Variants in EMX1 observed in about 807,000 individuals in gnomAD.
EMX1 encodes homeobox protein EMX1.
Under a neutral mutation model 20.1 loss-of-function variants are expected in EMX1, and 10 were observed. The ratio of observed to expected loss-of-function variants is 0.50; its 90% CI spans 0.31 to 0.84. EMX1 has a LOEUF of 0.84. Ranked by LOEUF, EMX1 falls within the 40% of genes least tolerant of loss-of-function variation. The pLI is 0.05. For synonymous variants in EMX1, 250 were observed against 200.4 expected (o/e 1.25, Z -2.09); for missense variants, 424 against 431.9 (o/e 0.98, Z 0.16).
intron 2 of EMX1, chr2:72,933,047 A>C (rs560065009): frequency 1.3e-5 from 2 of 152,350 alleles, no homozygotes; most frequent in Admixed American, 6.5e-5. Context: ...AGGAGCTGGC[A>C]CCTGAGGGAC....
rs1573901899 is a variant in EMX1, at chr2:72,934,278, C to T, written c.*324C>T. 11 of 295,548 alleles carry T rather than the reference C, an allele frequency of 3.7e-5. No homozygotes were observed. The East Asian group carries it at 7.9e-4, about 21-fold the overall frequency. The allele number at this position is 295,548 out of a possible 1,614,324, so 18.3% of individuals were successfully genotyped here. On this transcript the variant is annotated 3_prime_UTR_variant, in exon 3 of 3. Transcript: ENST00000258106. ...TTTCTGTTTTAATTTATTTTCCAGGCACCACTGTAGTTTAGTGATCCCCAG... is the reference window on the plus strand; with the variant it reads ...TTTCTGTTTTAATTTATTTTCCAGGTACCACTGTAGTTTAGTGATCCCCAG...
chr2:72,924,526 C>T lies in EMX1; in HGVS notation c.705+33C>T. On this transcript the variant is annotated intron_variant, in intron 2 of 2. Transcript: ENST00000258106. ...CCCCCGGTCGCGGCCTGCCCTGCGCCCGGAGCCCGGGTGGAGGTGAGGGTG... is the reference window on the plus strand; with the variant it reads ...CCCCCGGTCGCGGCCTGCCCTGCGCTCGGAGCCCGGGTGGAGGTGAGGGTG... 2.6e-6 allele frequency: 4 copies of T among 1,524,364 alleles called. No individual in the cohort carries two copies. The South Asian group carries it at 3.8e-5, about 14-fold the overall frequency. The allele number at this position is 1,524,364 out of a possible 1,614,324, so 94.4% of individuals were successfully genotyped here.
Position 72,924,241 on chromosome 2 carries a change from C to A in EMX1, c.521-68C>A, listed in dbSNP as rs1333084843. 38 of 1,529,684 alleles carry A rather than the reference C, an allele frequency of 2.5e-5. No individual in the cohort carries two copies. The East Asian group carries it at 9.2e-4, about 37-fold the overall frequency. 94.8% of individuals were successfully genotyped at this position (1,529,684 alleles called of 1,614,324 possible). ...GGGCGCGAGGCCAGGCTCTGTTGGG[C>A]CCCGGCTCACGGCGCCCCTTCTCTC... is the stretch of plus-strand genomic sequence containing the variant. On this transcript the variant is annotated intron_variant, in intron 1 of 2. Transcript: ENST00000258106.
intron 1 of EMX1, among the ~76,000 whole-genome samples, chr2:72,919,179 CTACACA>C (rs1314892950): frequency 1.1e-5 from 1 of 91,642 alleles, no homozygotes; most frequent in African/African-American, 5.7e-5. Flanking sequence ...TCCACTGGCC[CTACACA>C]CACACACACA....
At chr2:72,924,605 A>G in intron 2 of EMX1, 112 bp downstream of exon 2, 1 of 1,293,590 alleles carries the variant, frequency 7.7e-7, no homozygotes, top group Non-Finnish European at 1.0e-6. Context: ...GCTGGGTTCC[A>G]AAAGGCCCCC....
At position 72,933,843 on chromosome 2, in the gene EMX1, G is replaced by C; in HGVS notation, c.762G>C (p.Glu254Asp). Residue 254 changes from glutamate (E) to aspartate (D), a missense_variant, in exon 3 of 3, where the codon GAG (glutamate) becomes GAC (aspartate). Coordinates refer to ENST00000258106, the MANE Select transcript of EMX1 (RefSeq NM_004097.3). Reference protein sequence around the residue: ...RTKYKRQKLEEEGPESEQKKK... With the variant: ...RTKYKRQKLEDEGPESEQKKK... ...AGTACAAACGGCAGAAGCTGGAGGA[G>C]GAAGGGCCTGAGTCCGAGCAGAAGA... 1 of 1,614,268 alleles carries C rather than the reference G, an allele frequency of 6.2e-7. No homozygotes were observed. Among genetic ancestry groups the C allele is most frequent in the Non-Finnish European group, 8.5e-7 (1 of 1,180,042 alleles).
At chr2:72,924,656 C>T (rs925836478) in intron 2 of EMX1, among the ~76,000 whole-genome samples, 163 bp downstream of exon 2, 1 of 152,236 alleles carries the variant, frequency 6.6e-6, no homozygotes, top group Non-Finnish European at 1.5e-5. Context: ...TTTAGAGCCT[C>T]TTCCTCGAGA....
chr2:72,916,571 A>C, upstream of EMX1: 1 of 616,282 alleles, frequency 1.6e-6, no homozygotes, highest in Non-Finnish European at 2.9e-6. Flanking sequence ...CGCCGTACGG[A>C]AAAACTGGCC....
chr2:72,927,147 A>T (rs1259857927), intron 2 of EMX1, among the ~76,000 whole-genome samples: 1 of 152,204 alleles, frequency 6.6e-6, no homozygotes. Context: ...ATTTTCTATT[A>T]GTTATATGTT....
intron 2 of EMX1, chr2:72,925,998 C>G (rs1348805268): frequency 1.0e-6 from 1 of 985,102 alleles, no homozygotes; most frequent in African/African-American, 1.7e-5. Context: ...AATAACACTC[C>G]CTTTTCCCTC....
chr2:72,929,757 G>C (rs1289386697), intron 2 of EMX1, among the ~76,000 whole-genome samples: 1 of 152,198 alleles, frequency 6.6e-6, no homozygotes, highest in Non-Finnish European at 1.5e-5. Flanking sequence ...ATATCGGCTG[G>C]AGCCATAGTT....
At chr2:72,932,242 T>G (rs1038486304) in intron 2 of EMX1, among the ~76,000 whole-genome samples, 1 of 152,218 alleles carries the variant, frequency 6.6e-6, no homozygotes, top group African/African-American at 2.4e-5. Flanking sequence ...CCACATCCAC[T>G]TGCTTTTAAA....
At chr2:72,929,987 G>A (rs1380094007) in intron 2 of EMX1, among the ~76,000 whole-genome samples, 1 of 152,132 alleles carries the variant, frequency 6.6e-6, no homozygotes, top group African/African-American at 2.4e-5. Context: ...TTACCATGTG[G>A]AATATTAAAA....
intron 2 of EMX1, chr2:72,925,902 C>G: frequency 1.0e-6 from 1 of 985,374 alleles, no homozygotes; most frequent in Non-Finnish European, 1.2e-6. Flanking sequence ...CTGGGCTGTT[C>G]TAACTGCAGG....
chr2:72,922,766 A>C (rs1328711072), intron 1 of EMX1, among the ~76,000 whole-genome samples: 2 of 152,254 alleles, frequency 1.3e-5, no homozygotes, highest in East Asian at 3.8e-4. Flanking sequence ...TAGCTACAGC[A>C]TCTCAATTAT....
At chr2:72,917,094 G>C, upstream of EMX1, 1 of 623,836 alleles carries the variant, frequency 1.6e-6, no homozygotes, top group Non-Finnish European at 3.0e-6. Context: ...AGAGCAGGGG[G>C]GCAGAGAGCT....
intron 1 of EMX1, among the ~76,000 whole-genome samples, chr2:72,922,471 C>T (rs969308172): frequency 4.6e-5 from 7 of 152,216 alleles, no homozygotes; most frequent in East Asian, 1.9e-4. Flanking sequence ...CCTAGATCTG[C>T]GCCACTTGAA....
upstream of EMX1, chr2:72,916,617 G>T (rs1279208487): frequency 1.8e-5 from 12 of 677,288 alleles, no homozygotes; most frequent in Admixed American, 2.5e-4. Context: ...GGTCGCGGGT[G>T]GAAGGTGAAG....
intron 1 of EMX1, among the ~76,000 whole-genome samples, chr2:72,920,190 G>A (rs1016605359): frequency 1.3e-5 from 2 of 152,152 alleles, no homozygotes; most frequent in African/African-American, 4.8e-5. Context: ...GGCCGGGGGC[G>A]CCTGGAGAGA....
Sources: allele counts gnomAD v4.1 joint callset (sites outside exome capture counted in the v4.1 genomes callset), GRCh38; gene constraint gnomAD v4.1.1; transcripts MANE v1.5; gene names NCBI Gene and HGNC (gene_info 2026-07-23, HGNC 2026-07-21).